The following GPC5 variants were observed in gnomAD, a reference collection of about 807,000 sequenced individuals.
The protein encoded by GPC5 is glypican-5.
GPC5 carries 47 observed loss-of-function variants against 53.9 expected under a neutral mutation model. The ratio of observed to expected loss-of-function variants is 0.87; its 90% CI spans 0.69 to 1.11. The LOEUF is 1.11. Ranked by LOEUF, GPC5 falls within the 50% of genes most tolerant of loss-of-function variation. GPC5 has a pLI of 0.00. For missense variants in GPC5, 748 were observed against 713.1 expected, an observed-to-expected ratio of 1.05 and a Z score of -0.56; for synonymous variants, 286 against 263.3, an observed-to-expected ratio of 1.09 and a Z score of -0.84.
intron 6 of GPC5, among the ~76,000 whole-genome samples, chr13:92,042,168 C>A (rs2040946901): frequency 6.6e-6 from 1 of 152,118 alleles, no homozygotes; most frequent in Non-Finnish European, 1.5e-5. Context: ...GGCCACTTCC[C>A]CCCATGCAGC....
Position 91,629,178 on chromosome 13 carries a change from C to T in GPC5, c.326-64009C>T, listed in dbSNP as rs73607937. Among the ~76,000 whole-genome samples, 220 of 152,058 alleles carry T rather than the reference C, an allele frequency of 1.4e-3. 1 individual carries two copies. The highest frequency in any genetic ancestry group is 4.9e-3 in the African/African-American group (204 of 41,486). Reference sequence around the variant, plus strand: ...CTGAAGCAGGTCCTAGCTGGGAGTACGACAGGAATTATTTTGTCCAGCCAC... The same window carrying T: ...CTGAAGCAGGTCCTAGCTGGGAGTATGACAGGAATTATTTTGTCCAGCCAC... On this transcript the variant is annotated intron_variant, in intron 2 of 7. Transcript: ENST00000377067.
intron 1 of GPC5, among the ~76,000 whole-genome samples, chr13:91,425,403 A>G (rs1451805578): frequency 1.3e-5 from 2 of 152,154 alleles, no homozygotes. Context: ...CCAAGTGTTT[A>G]GGAAGAGACC....
At chr13:92,223,692 TA>T (rs2042465047) in intron 7 of GPC5, among the ~76,000 whole-genome samples, 1 of 152,144 alleles carries the variant, frequency 6.6e-6, no homozygotes, top group Non-Finnish European at 1.5e-5. Context: ...AAAATTGGGA[TA>T]AAAGGATAAG....
intron 6 of GPC5, among the ~76,000 whole-genome samples, chr13:92,141,301 G>T (rs561092540): frequency 1.3e-5 from 2 of 152,272 alleles, no homozygotes; most frequent in South Asian, 4.1e-4. Context: ...CTACAAGAGG[G>T]CTAGGGTAGT....
intron 7 of GPC5, among the ~76,000 whole-genome samples, chr13:92,828,017 C>T (rs1877911405): frequency 6.6e-6 from 1 of 152,130 alleles, no homozygotes; most frequent in South Asian, 2.1e-4. Flanking sequence ...ATTACACACA[C>T]CTCCAACCAA....
At chr13:92,127,287 A>ATG (rs922562450) in intron 6 of GPC5, among the ~76,000 whole-genome samples, 2 of 151,810 alleles carry the variant, frequency 1.3e-5, no homozygotes. Context: ...GTATATATAT[A>ATG]TGTGTGTATA....
chr13:92,524,575 G>T (rs999871870), intron 7 of GPC5, among the ~76,000 whole-genome samples: 5 of 152,070 alleles, frequency 3.3e-5, no homozygotes, highest in African/African-American at 1.2e-4. Flanking sequence ...CAGGAAGTTT[G>T]TCACTTATTT....
At chr13:92,829,248 C>A (rs974907912) in intron 7 of GPC5, among the ~76,000 whole-genome samples, 23 of 152,120 alleles carry the variant, frequency 1.5e-4, no homozygotes, top group Non-Finnish European at 3.1e-4. Flanking sequence ...AATCATTTTA[C>A]TTAAGATATC....
chr13:91,952,741 A>G (rs1365198855), intron 6 of GPC5, among the ~76,000 whole-genome samples: 1 of 152,116 alleles, frequency 6.6e-6, no homozygotes, highest in African/African-American at 2.4e-5. Context: ...AAGAAAAAAA[A>G]TACGTAGTTT....
chr13:92,403,022 T>A (rs2139339070), intron 7 of GPC5, among the ~76,000 whole-genome samples: 2 of 152,300 alleles, frequency 1.3e-5, no homozygotes, highest in South Asian at 4.1e-4. Flanking sequence ...ATGTCAAATT[T>A]TAACTCATTA....
At chr13:92,119,336 G>GGGT (rs2041626276) in intron 6 of GPC5, among the ~76,000 whole-genome samples, 1 of 151,684 alleles carries the variant, frequency 6.6e-6, no homozygotes. Context: ...AATGAGATTT[G>GGGT]GGTGGGAACA....
At chr13:91,826,852 C>T (rs1489036279) in intron 5 of GPC5, among the ~76,000 whole-genome samples, 1 of 151,414 alleles carries the variant, frequency 6.6e-6, no homozygotes, top group Non-Finnish European at 1.5e-5. Context: ...TCACACCATA[C>T]AAATCAATTC....
At chr13:92,850,648 G>T (rs1878763704) in intron 7 of GPC5, among the ~76,000 whole-genome samples, 2 of 152,036 alleles carry the variant, frequency 1.3e-5, no homozygotes, top group Non-Finnish European at 2.9e-5. Flanking sequence ...AGTTATCCTT[G>T]GTAGAGAGGT....
intron 7 of GPC5, among the ~76,000 whole-genome samples, chr13:92,624,944 G>C (rs1884999416): frequency 6.6e-6 from 1 of 152,168 alleles, no homozygotes; most frequent in Non-Finnish European, 1.5e-5. Context: ...GAATACAATA[G>C]CATGTACTTA....
At chr13:91,586,514 A>C (rs1194952110) in intron 2 of GPC5, among the ~76,000 whole-genome samples, 1 of 13,766 alleles carries the variant, frequency 7.3e-5, no homozygotes, top group South Asian at 3.1e-3. Context: ...ATATATATAT[A>C]TATATATATA....
intron 5 of GPC5, among the ~76,000 whole-genome samples, chr13:91,817,825 T>C (rs1354024511): frequency 1.3e-5 from 2 of 152,206 alleles, no homozygotes; most frequent in East Asian, 3.9e-4. Context: ...TCTTATGTGA[T>C]AAAGAACTTT....
chr13:92,403,732 A>C (rs1047440576), intron 7 of GPC5, among the ~76,000 whole-genome samples: 1 of 152,222 alleles, frequency 6.6e-6, no homozygotes, highest in Non-Finnish European at 1.5e-5. Context: ...CTTAGTGAGT[A>C]GACGAGAAGA....
At chr13:91,433,287 T>C (rs1375446461) in intron 1 of GPC5, among the ~76,000 whole-genome samples, 1 of 151,852 alleles carries the variant, frequency 6.6e-6, no homozygotes, top group Non-Finnish European at 1.5e-5. Context: ...GCCATGTTGG[T>C]GTGCTGCACC....
At chr13:92,230,413 C>T (rs573107735) in intron 7 of GPC5, among the ~76,000 whole-genome samples, 13 of 152,164 alleles carry the variant, frequency 8.5e-5, no homozygotes, top group Admixed American at 3.9e-4. Context: ...ATCTGTGTAA[C>T]GTACTATTAA....
Sources: gnomAD v4.1 joint callset for allele counts (sites outside exome capture counted in the v4.1 genomes callset) on GRCh38, gnomAD v4.1.1 for gene constraint, MANE v1.5 for transcripts, NCBI Gene and HGNC (gene_info 2026-07-23, HGNC 2026-07-21) for gene names.